SLC37A3: variants seen among roughly 807,000 people sequenced by gnomAD.
SLC37A3 encodes the protein solute carrier family 37 member 3, also known as sugar phosphate exchanger 3.
A neutral mutation model predicts 67.1 loss-of-function variants in SLC37A3; 51 were observed. That is an observed-to-expected ratio of 0.76 (90% confidence interval 0.61 to 0.96). The LOEUF is 0.96. Among genes scored for constraint, SLC37A3 ranks in the 40% least tolerant of loss-of-function variants. The pLI, the probability that SLC37A3 is intolerant of heterozygous loss-of-function variation, is 0.00. For missense variants in SLC37A3, 508 were observed against 603.0 expected (o/e 0.84, Z 1.65); for synonymous variants, 214 against 231.4 (o/e 0.92, Z 0.68).
At chr7:140,359,880 T>G (rs1275606946) in intron 5 of SLC37A3, among the ~76,000 whole-genome samples, 4 of 152,156 alleles carry the variant, frequency 2.6e-5, no homozygotes, top group Non-Finnish European at 4.4e-5. Context: ...CAAGTTTATG[T>G]ACAAACTGCA....
At chr7:140,389,706 G>A (rs552117621) in intron 1 of SLC37A3, among the ~76,000 whole-genome samples, 1 of 152,228 alleles carries the variant, frequency 6.6e-6, no homozygotes, top group East Asian at 1.9e-4. Context: ...AGATGACTTC[G>A]CACTGCAGCA....
chr7:140,371,750 T>A (rs558954899), intron 3 of SLC37A3, among the ~76,000 whole-genome samples: 1 of 151,910 alleles, frequency 6.6e-6, no homozygotes, highest in African/African-American at 2.4e-5. Context: ...GAAATGGAAA[T>A]ACAAATTTAT....
At position 140,335,041 on chromosome 7, in the gene SLC37A3, C is replaced by T; in HGVS notation, c.*371G>A. 3.4e-6 allele frequency: 2 copies of T among 596,958 alleles called. No individual in the cohort carries two copies. The highest frequency in any genetic ancestry group is 2.0e-5 in the South Asian group (1 of 48,826). The allele number at this position is 596,958 out of a possible 1,614,324, so 37.0% of individuals were successfully genotyped here. ...CAACACAAACCACGCGTGGCTTTGC[C>T]TCCTGTTCACTCCATTTTCAAGGCT... On this transcript the variant is annotated 3_prime_UTR_variant, in exon 15 of 15. Transcript: ENST00000326232.
intron 12 of SLC37A3, 39 bp from the exon 13 acceptor site, chr7:140,343,602 C>T (rs1437909446): frequency 5.8e-5 from 93 of 1,600,782 alleles, no homozygotes; most frequent in Non-Finnish European, 7.9e-5. Context: ...ACACAATTCA[C>T]AACCACTAGC....
At chr7:140,352,453 C>T (rs962132085) in intron 7 of SLC37A3, among the ~76,000 whole-genome samples, 4 of 152,136 alleles carry the variant, frequency 2.6e-5, no homozygotes, top group African/African-American at 9.7e-5. Flanking sequence ...GTCTTTGTAT[C>T]ACATAGCCTC....
rs1282205484 is a variant in SLC37A3 at position 140,362,909 on chromosome 7, G to T, written c.375+1499C>A. On this transcript the variant is annotated intron_variant, in intron 5 of 14. Coordinates refer to ENST00000326232, the MANE Select transcript of SLC37A3 (RefSeq NM_207113.3). ...CCCGTCCGGGAGGGAGGCGGGGGGG[G>T]GGGTCGGCCAGCCGCCCTGTCCGGG... 6.8e-5 allele frequency among the ~76,000 whole-genome samples: 4 copies of T among 58,826 alleles called. 1 individual carries two copies. Among genetic ancestry groups the T allele is most frequent in the Non-Finnish European group, 1.5e-4 (4 of 27,490 alleles). 38.6% of individuals were successfully genotyped at this position (58,826 alleles called of 152,430 possible). A position where few individuals can be genotyped will look rare whatever the true frequency, so the allele number is the denominator to read the frequency against.
At chr7:140,393,086 C>A (rs1340262744) in intron 1 of SLC37A3, among the ~76,000 whole-genome samples, 1 of 151,620 alleles carries the variant, frequency 6.6e-6, no homozygotes, top group African/African-American at 2.4e-5. Context: ...AGCAAGACTC[C>A]GTCCCAAAAA....
chr7:140,365,055 C>T (rs2117176471), intron 4 of SLC37A3, among the ~76,000 whole-genome samples: 1 of 152,248 alleles, frequency 6.6e-6, no homozygotes, highest in East Asian at 1.9e-4. Context: ...GAATCTGACC[C>T]TTGGGTTTCA....
At chr7:140,365,002 A>G (rs1453265377) in intron 4 of SLC37A3, among the ~76,000 whole-genome samples, 4 of 152,174 alleles carry the variant, frequency 2.6e-5, no homozygotes, top group Non-Finnish European at 2.9e-5. Flanking sequence ...CCAACCTTGT[A>G]AAAAGTGGAA....
At chr7:140,385,976 T>C (rs1585367167) in intron 1 of SLC37A3, among the ~76,000 whole-genome samples, 1 of 151,996 alleles carries the variant, frequency 6.6e-6, no homozygotes, top group South Asian at 2.1e-4. Flanking sequence ...AGAGACGGGG[T>C]TTCACCATGT....
In SLC37A3 at chr7:140,343,558, A is replaced by G. The variant is rs1309441498; in HGVS notation, c.1180T>C (p.Phe394Leu). The change falls in exon 13 of 15, where the codon TTT becomes CTT. Residue 394 changes from phenylalanine (F) to leucine (L), a missense_variant. Physicochemically the swap from Phe to Leu is conservative, Grantham distance 22 (BLOSUM62 0). Transcript: ENST00000326232. ...ATCATATTAGAAGGTCCACCAATAA[A>G]AAATCCTGAAGTCATAAACAGGTTC... ...NALLMTVTGFFIGGPSNMISS... is the reference protein window; with the variant it reads ...NALLMTVTGFLIGGPSNMISS... 6.2e-7 allele frequency: 1 copy of G among 1,614,200 alleles called. No homozygotes were observed. The highest frequency in any genetic ancestry group is 8.5e-7 in the Non-Finnish European group (1 of 1,180,020).
At chr7:140,386,219 G>A (rs1585367868) in intron 1 of SLC37A3, among the ~76,000 whole-genome samples, 1 of 151,956 alleles carries the variant, frequency 6.6e-6, no homozygotes. Context: ...AGGCGCACAT[G>A]CCACCACATC....
chr7:140,352,568 C>T (rs942330517), intron 7 of SLC37A3, among the ~76,000 whole-genome samples: 2 of 152,018 alleles, frequency 1.3e-5, no homozygotes, highest in East Asian at 3.9e-4. Flanking sequence ...GATGAGAAGG[C>T]CCAATCCTAC....
chr7:140,338,294 C>A (rs1260771026), intron 13 of SLC37A3, among the ~76,000 whole-genome samples: 3 of 152,164 alleles, frequency 2.0e-5, no homozygotes, highest in African/African-American at 7.2e-5. Context: ...CAAATAGAAA[C>A]TCTGTTCCTA....
chr7:140,348,422 C>G, intron 10 of SLC37A3: 1 of 521,848 alleles, frequency 1.9e-6, no homozygotes, highest in Admixed American at 4.2e-5. Context: ...GCTAGGTCTT[C>G]CTTTCTATGG....
At chr7:140,337,532 T>A (rs982500515) in intron 13 of SLC37A3, 183 bp from the exon 14 acceptor site, 1 of 445,612 alleles carries the variant, frequency 2.2e-6, no homozygotes, top group African/African-American at 2.0e-5. Context: ...CATTTAAGCA[T>A]GCAGAGTCCA....
chr7:140,373,886 A>C (rs1797920099), intron 3 of SLC37A3, among the ~76,000 whole-genome samples: 1 of 152,134 alleles, frequency 6.6e-6, no homozygotes, highest in Non-Finnish European at 1.5e-5. Context: ...AACAGACACG[A>C]AGTGATGTGC....
At chr7:140,361,760 C>A (rs1418268532) in intron 5 of SLC37A3, among the ~76,000 whole-genome samples, 1 of 144,270 alleles carries the variant, frequency 6.9e-6, no homozygotes, top group African/African-American at 2.7e-5. Context: ...CTGTGTCGGC[C>A]GGGCTGGTCT....
At chr7:140,373,838 G>C (rs1165492768) in intron 3 of SLC37A3, among the ~76,000 whole-genome samples, 1 of 151,682 alleles carries the variant, frequency 6.6e-6, no homozygotes, top group African/African-American at 2.4e-5. Flanking sequence ...GCAACACACT[G>C]AATTCAAAGG....
Sources: gnomAD v4.1 joint callset for allele counts (sites outside exome capture counted in the v4.1 genomes callset) on GRCh38, gnomAD v4.1.1 for gene constraint, MANE v1.5 for transcripts, NCBI Gene and HGNC (gene_info 2026-07-23, HGNC 2026-07-21) for gene names.